Variants in ATP2B4 observed in about 807,000 individuals in gnomAD.
ATP2B4 encodes the protein ATPase plasma membrane Ca2+ transporting 4.
In ATP2B4, 39 loss-of-function variants were observed where a neutral mutation model predicts 110.3. That is an observed-to-expected ratio of 0.35 (90% CI 0.27 to 0.46). ATP2B4 has a LOEUF of 0.46. Ranked by LOEUF, ATP2B4 falls within the 20% of genes least tolerant of loss-of-function variation. ATP2B4 has a pLI of 1.00. For missense variants in ATP2B4, 1,135 were observed against 1,530.9 expected, an observed-to-expected ratio of 0.74 and a Z score of 4.32; for synonymous variants, 538 against 571.7, an observed-to-expected ratio of 0.94 and a Z score of 0.84.
At chr1:203,632,612 G>T (rs1663304891) in intron 1 of ATP2B4, among the ~76,000 whole-genome samples, 1 of 151,520 alleles carries the variant, frequency 6.6e-6, no homozygotes, top group Non-Finnish European at 1.5e-5. Context: ...CAAAGTGCTG[G>T]GATTACAGGC....
intron 2 of ATP2B4, among the ~76,000 whole-genome samples, chr1:203,695,447 G>C (rs949802956): frequency 6.6e-6 from 1 of 152,176 alleles, no homozygotes; most frequent in Non-Finnish European, 1.5e-5. Context: ...GGAGTCTCTG[G>C]GGAGCAACCC....
intron 9 of ATP2B4, 47 bp from the exon 10 acceptor site, chr1:203,707,815 G>A (rs1665893144): frequency 1.2e-6 from 2 of 1,605,576 alleles, no homozygotes; most frequent in East Asian, 4.5e-5. Context: ...AGATTTAGGA[G>A]AGTCCAGTTA....
Position 203,657,935 on chromosome 1 carries a change from C to T in ATP2B4, c.-464-24807C>T, listed in dbSNP as rs142635710. Among the ~76,000 whole-genome samples, 1,075 of 152,126 alleles carry T rather than the reference C, an allele frequency of 7.1e-3. 14 individuals are homozygous for T. The highest frequency in any genetic ancestry group is 0.024 in the African/African-American group (1,014 of 41,496). On this transcript the variant is annotated intron_variant, in intron 1 of 20. Transcript: ENST00000357681. ...GCCAGGCTGGCCTTGAACTCCTGAC[C>T]GCAAGTGATCCGCCCCCCTCAACCT...
Position 203,709,474 on chromosome 1 carries a change from C to T in ATP2B4, c.1731C>T (p.Thr577=), listed in dbSNP as rs761666385. The change falls in exon 11 of 21, where the codon ACC becomes ACT. Residue 577 remains threonine, a synonymous_variant. Transcript: ENST00000357681. Reference sequence around the variant, plus strand: ...ACTCAGTGCGCAAGTCAATGAGCACCGTCATCAGGAATCCCAACGGTGGCT... The same window carrying T: ...ACTCAGTGCGCAAGTCAATGAGCACTGTCATCAGGAATCCCAACGGTGGCT... ...TFNSVRKSMS[T]VIRNPNGGFR... 21 of 1,614,052 alleles carry T rather than the reference C, an allele frequency of 1.3e-5. No homozygotes were observed. In the African/African-American group the frequency reaches 1.6e-4, roughly 12 times the overall value.
Position 203,722,647 on chromosome 1 carries a change from CATT to C in ATP2B4, c.2985_2987del (p.Ile996del). On this transcript the variant is annotated inframe_deletion, in exon 18 of 21. Coordinates refer to ENST00000357681, the MANE Select transcript of ATP2B4 (RefSeq NM_001684.5). ...ACGTCTTTTCAGGCATCTACCGCAA[CATT>C]ATCTTCTGCTCTGTAGTCTTGGGCA... The C allele has an allele frequency of 6.2e-7, 1 of 1,614,200 alleles. No individual in the cohort carries two copies. Among genetic ancestry groups the C allele is most frequent in the Non-Finnish European group, 8.5e-7 (1 of 1,180,022 alleles).
intron 10 of ATP2B4, 54 bp downstream of exon 10, chr1:203,708,158 C>T (rs968732827): frequency 4.4e-6 from 7 of 1,604,320 alleles, no homozygotes; most frequent in Non-Finnish European, 6.0e-6. Context: ...AGGGAACATC[C>T]ATTTTCTCTG....
In ATP2B4 at chr1:203,721,268, G is replaced by A; in HGVS notation, c.2670G>A (p.Leu890=). The change falls in exon 17 of 21, where the codon CTG becomes CTA. Residue 890 remains leucine (L), a synonymous_variant. Coordinates refer to ENST00000357681, the MANE Select transcript of ATP2B4 (RefSeq NM_001684.5). ...LIMDTFASLA[L]ATEPPTESLL... ...TGGACACTTTTGCTTCATTGGCCCT[G>A]GCCACAGAGCCCCCTACGGAATCTC... 1 of 1,614,222 alleles carries A rather than the reference G, an allele frequency of 6.2e-7. No homozygotes were observed. Among genetic ancestry groups the A allele is most frequent in the African/African-American group, 1.3e-5 (1 of 75,052 alleles).
chr1:203,706,648 G>A (rs538947786), intron 8 of ATP2B4, among the ~76,000 whole-genome samples: 24 of 152,252 alleles, frequency 1.6e-4, no homozygotes, highest in African/African-American at 5.1e-4. Context: ...CAGGGAGAGG[G>A]TGGGCGTGGA....
rs1393743948 is a variant in ATP2B4, at chr1:203,709,392, A to G, written c.1649A>G (p.Tyr550Cys). The G allele has an allele frequency of 6.2e-7, 1 of 1,614,134 alleles. No homozygotes were observed. Among genetic ancestry groups the G allele is most frequent in the Non-Finnish European group, 8.5e-7 (1 of 1,180,048 alleles). ...TTTGTCACAGATCTGAAGCAGGATT[A>G]TCAGGCTGTGCGTAATGAAGTGCCC... ...LGFVTDLKQD[Y>C]QAVRNEVPEE... Residue 550 changes from tyrosine to cysteine, a missense_variant, in exon 11 of 21, where the codon TAT becomes TGT. Around this residue, in one of 9 missense-constraint regions of ATP2B4, gnomAD observed 368 missense variants for 455.9 expected, o/e 0.81. Transcript: ENST00000357681.
chr1:203,670,082 C>T (rs1205919104), intron 1 of ATP2B4, among the ~76,000 whole-genome samples: 1 of 152,232 alleles, frequency 6.6e-6, no homozygotes, highest in African/African-American at 2.4e-5. Flanking sequence ...TGGAAGCTCA[C>T]TCTACCTTGG....
intron 2 of ATP2B4, among the ~76,000 whole-genome samples, chr1:203,687,862 C>A (rs1665244523): frequency 6.6e-6 from 1 of 152,022 alleles, no homozygotes; most frequent in African/African-American, 2.4e-5. Context: ...TGAGACTGCT[C>A]TAGCATAAGA....
intron 1 of ATP2B4, among the ~76,000 whole-genome samples, chr1:203,672,985 G>T (rs1664720284): frequency 6.6e-6 from 1 of 152,180 alleles, no homozygotes; most frequent in Admixed American, 6.5e-5. Flanking sequence ...AAAGGGGGCT[G>T]CCCAGAGATA....
chr1:203,651,068 C>T (rs1192737224), intron 1 of ATP2B4, among the ~76,000 whole-genome samples: 3 of 152,084 alleles, frequency 2.0e-5, no homozygotes, highest in Non-Finnish European at 4.4e-5. Flanking sequence ...AGCCACCATG[C>T]CTGGCCTTGA....
In ATP2B4 at chr1:203,720,712, T is replaced by C. The variant is rs754675601; in HGVS notation, c.2570T>C (p.Val857Ala). 5.6e-6 allele frequency: 9 copies of C among 1,613,360 alleles called. 1 individual carries two copies. In the Middle Eastern group the frequency reaches 8.3e-4, roughly 148 times the overall value. Residue 857 changes from valine to alanine, a missense_variant, in exon 16 of 21, where the codon GTA becomes GCA. Val to Ala is a moderately conservative substitution (Grantham distance 64). Around this residue, in one of 9 missense-constraint regions of ATP2B4, gnomAD observed 70 missense variants for 142.4 expected, o/e 0.49. Coordinates refer to ENST00000357681, the MANE Select transcript of ATP2B4 (RefSeq NM_001684.5). ...ACTGTCAATGTGGTGGCCGTGATTGTAGCCTTCACTGGAGCCTGTATCACT... is the reference window on the plus strand; with the variant it reads ...ACTGTCAATGTGGTGGCCGTGATTGCAGCCTTCACTGGAGCCTGTATCACT... Reference protein sequence around the residue: ...QLTVNVVAVIVAFTGACITQD... With the variant: ...QLTVNVVAVIAAFTGACITQD...
At chr1:203,719,279 A>C (rs1421008281) in intron 15 of ATP2B4, among the ~76,000 whole-genome samples, 1 of 151,420 alleles carries the variant, frequency 6.6e-6, no homozygotes, top group African/African-American at 2.4e-5. Flanking sequence ...TCTAAAGTCA[A>C]ATGTACAAAA....
At chr1:203,644,902 T>G (rs931970604) in intron 1 of ATP2B4, among the ~76,000 whole-genome samples, 1 of 152,208 alleles carries the variant, frequency 6.6e-6, no homozygotes, top group African/African-American at 2.4e-5. Flanking sequence ...CCCCGCTCTG[T>G]ATGACTCTAT....
In ATP2B4 at chr1:203,721,183, C is replaced by A; in HGVS notation, c.2599-14C>A. On this transcript the variant is annotated splice_polypyrimidine_tract_variant and intron_variant, in intron 16 of 20. Transcript: ENST00000357681. ...CAGAGAAAAGCTAAAAGGACTGGTT[C>A]TTCTCCCCGCCAGGATTCCCCATTG... 1 of 1,613,400 alleles carries A rather than the reference C, an allele frequency of 6.2e-7. No individual in the cohort carries two copies. Among genetic ancestry groups the A allele is most frequent in the Non-Finnish European group, 8.5e-7 (1 of 1,179,394 alleles).
At chr1:203,668,255 GCTT>G in intron 1 of ATP2B4, among the ~76,000 whole-genome samples, 1 of 152,248 alleles carries the variant, frequency 6.6e-6, no homozygotes, top group South Asian at 2.1e-4. Context: ...TGAGTGGTCA[GCTT>G]CTTTGGGAAC....
At chr1:203,678,120 T>G (rs537641177) in intron 1 of ATP2B4, among the ~76,000 whole-genome samples, 1 of 152,338 alleles carries the variant, frequency 6.6e-6, no homozygotes, top group East Asian at 1.9e-4. Flanking sequence ...TCTCCCATTT[T>G]TATGCATCAC....
Sources: gnomAD v4.1 joint callset for allele counts (sites outside exome capture counted in the v4.1 genomes callset) on GRCh38, gnomAD v4.1.1 for gene constraint, gnomAD v4.1.1 regional missense constraint, MANE v1.5 for transcripts, NCBI Gene and HGNC (gene_info 2026-07-23, HGNC 2026-07-21) for gene names.